ADCK1: variants seen among roughly 807,000 people sequenced by gnomAD.
ADCK1 encodes aarF domain containing kinase 1.
A neutral mutation model predicts 52.3 loss-of-function variants in ADCK1; 41 were observed. The observed-to-expected ratio is 0.78, with a 90% CI of 0.61 to 1.02. The LOEUF (loss-of-function observed/expected upper bound fraction) is 1.02. ADCK1 is among the 50% of genes least tolerant of loss of function. ADCK1 has a pLI of 0.00. For synonymous variants in ADCK1, 250 were observed against 274.6 expected (o/e 0.91, Z 0.89); for missense variants, 658 against 679.5 (o/e 0.97, Z 0.35).
chr14:77,842,423 C>T (rs2082086569), intron 3 of ADCK1, among the ~76,000 whole-genome samples: 1 of 144,678 alleles, frequency 6.9e-6, no homozygotes, highest in East Asian at 2.1e-4. Flanking sequence ...AGGCCTTCTT[C>T]CCTGTATCTT....
At chr14:77,848,042 A>C (rs1236101111) in intron 3 of ADCK1, among the ~76,000 whole-genome samples, 3 of 152,128 alleles carry the variant, frequency 2.0e-5, no homozygotes, top group Admixed American at 6.5e-5. Flanking sequence ...GGTAGTGGCC[A>C]CCTGGATGTT....
chr14:77,849,522 A>C (rs1042283438), intron 3 of ADCK1, among the ~76,000 whole-genome samples: 1 of 151,908 alleles, frequency 6.6e-6, no homozygotes, highest in Non-Finnish European at 1.5e-5. Flanking sequence ...GCTCACTACA[A>C]CCTTGACCTC....
chr14:77,851,865 T>C (rs2082290904), intron 3 of ADCK1, among the ~76,000 whole-genome samples: 1 of 152,130 alleles, frequency 6.6e-6, no homozygotes, highest in East Asian at 1.9e-4. Flanking sequence ...ATATAAAATA[T>C]AAAAAAGTTC....
chr14:77,867,589 G>A (rs999113021), intron 4 of ADCK1, among the ~76,000 whole-genome samples: 6 of 152,192 alleles, frequency 3.9e-5, no homozygotes, highest in South Asian at 2.1e-4. Flanking sequence ...AAGCATTGCT[G>A]TCAGCACGGA....
At chr14:77,889,627 GGC>G (rs1257939147) in intron 5 of ADCK1, among the ~76,000 whole-genome samples, 4 of 152,208 alleles carry the variant, frequency 2.6e-5, no homozygotes, top group Admixed American at 2.6e-4. Flanking sequence ...AAACCTAGCT[GGC>G]AGCAAGTTGG....
In ADCK1 at chr14:77,899,220, A is replaced by G; in HGVS notation, c.703A>G (p.Lys235Glu). Residue 235 changes from lysine to glutamate, a missense_variant, in exon 6 of 11, where the codon AAG (lysine) becomes GAG (glutamate). Coordinates refer to ENST00000238561, the MANE Select transcript of ADCK1 (RefSeq NM_020421.4). ...DFLNEGRNAE[K>E]VSQMLRHFDF... ...CCTCAATGAAGGGAGGAATGCTGAG[A>G]AGGTGTCCCAGATGCTCAGGCATTT... 6.2e-7 allele frequency: 1 copy of G among 1,614,136 alleles called. No individual in the cohort carries two copies. The highest frequency in any genetic ancestry group is 8.5e-7 in the Non-Finnish European group (1 of 1,180,004).
intron 3 of ADCK1, among the ~76,000 whole-genome samples, chr14:77,848,004 G>A (rs2082206585): frequency 6.6e-6 from 1 of 152,198 alleles, no homozygotes. Flanking sequence ...GAGGAACCGG[G>A]GAGGGCAACA....
chr14:77,913,422 T>C (rs951941505), intron 7 of ADCK1, among the ~76,000 whole-genome samples: 3 of 152,228 alleles, frequency 2.0e-5, no homozygotes, highest in Non-Finnish European at 4.4e-5. Context: ...GGCCCTCATT[T>C]GTTTGTGTCT....
chr14:77,896,121 C>G (rs1000020344), intron 5 of ADCK1, among the ~76,000 whole-genome samples: 1 of 151,798 alleles, frequency 6.6e-6, no homozygotes, highest in Non-Finnish European at 1.5e-5. Context: ...CAGGTATTAC[C>G]AAGTGTTAAT....
At chr14:77,825,640 GT>G (rs11311915) in intron 3 of ADCK1, among the ~76,000 whole-genome samples, 15,800 of 137,280 alleles carry the variant, frequency 0.12, 1,334 homozygotes, top group African/African-American at 0.26. Flanking sequence ...GAAATGTTAG[GT>G]TTTTTTTTTT....
intron 4 of ADCK1, among the ~76,000 whole-genome samples, chr14:77,876,110 T>C (rs1173241394): frequency 6.6e-6 from 1 of 152,212 alleles, no homozygotes; most frequent in African/African-American, 2.4e-5. Flanking sequence ...ATGGTTTCAG[T>C]CAACACACAT....
intron 3 of ADCK1, among the ~76,000 whole-genome samples, chr14:77,835,023 G>T (rs2081932579): frequency 6.6e-6 from 1 of 152,194 alleles, no homozygotes; most frequent in Admixed American, 6.5e-5. Flanking sequence ...GCCCTGGACT[G>T]GGTGCTTCGG....
intron 6 of ADCK1, among the ~76,000 whole-genome samples, chr14:77,907,420 A>T (rs190111809): frequency 3.3e-5 from 5 of 152,356 alleles, no homozygotes; most frequent in African/African-American, 1.2e-4. Flanking sequence ...AGGCAGAGGG[A>T]GGAGTCCGAA....
rs937379426 is a variant in ADCK1 at position 77,843,020 on chromosome 14, G to A, written c.220-16056G>A. The stretch of plus-strand genomic sequence containing the variant: ...TTCTCCTGCCTCAGCCTCCTGAGTA[G>A]CTGGGATCACAGGTGTGTGCCACTA... On this transcript the variant is annotated intron_variant, in intron 3 of 10. Transcript: ENST00000238561. Among the ~76,000 whole-genome samples the A allele has an allele frequency of 2.6e-5, 4 of 151,688 alleles. No homozygotes were observed. The South Asian group carries it at 8.3e-4, about 32-fold the overall frequency.
chr14:77,800,910 T>C (rs2081095707), intron 1 of ADCK1, among the ~76,000 whole-genome samples: 1 of 152,198 alleles, frequency 6.6e-6, no homozygotes, highest in Non-Finnish European at 1.5e-5. Flanking sequence ...TTAGACTTTA[T>C]CTGTGGCTTC....
rs571984075 is a variant in ADCK1, at chr14:77,887,171, T to C, written c.504T>C (p.His168=). 9.3e-6 allele frequency: 15 copies of C among 1,610,784 alleles called. No homozygotes were observed. The South Asian group carries it at 1.5e-4, about 17-fold the overall frequency. Reference sequence around the variant, plus strand: ...CCCAGGTCCACAAGGCAGTGCTGCATGATGGGCGGACGGTGGCCGTGAAGG... The same window carrying C: ...CCCAGGTCCACAAGGCAGTGCTGCACGATGGGCGGACGGTGGCCGTGAAGG... ...SLAQVHKAVL[H]DGRTVAVKVQ... is the part of the protein sequence containing the mutation. Residue 168 remains histidine (H), a synonymous_variant, in exon 5 of 11, where the codon CAT becomes CAC. Transcript: ENST00000238561.
chr14:77,908,002 G>A, intron 7 of ADCK1, 83 bp downstream of exon 7: 1 of 1,109,296 alleles, frequency 9.0e-7, no homozygotes, highest in Non-Finnish European at 1.3e-6. Context: ...GTGTCCAGGT[G>A]AGGCCTCAGA....
chr14:77,814,825 G>A (rs901541479), intron 1 of ADCK1, among the ~76,000 whole-genome samples: 2 of 151,294 alleles, frequency 1.3e-5, no homozygotes, highest in Non-Finnish European at 1.5e-5. Context: ...TTGGTAGTTC[G>A]GTGGCCCATG....
chr14:77,824,089 G>A (rs912320547), intron 3 of ADCK1, among the ~76,000 whole-genome samples: 16 of 151,874 alleles, frequency 1.1e-4, no homozygotes, highest in Admixed American at 1.3e-4. Context: ...AGTAGAGACA[G>A]GGTTTCGCCA....
Sources: allele counts gnomAD v4.1 joint callset (sites outside exome capture counted in the v4.1 genomes callset), GRCh38; gene constraint gnomAD v4.1.1; transcripts MANE v1.5; gene names NCBI Gene and HGNC (gene_info 2026-07-23, HGNC 2026-07-21).